The following SLC22A23 variants were observed in gnomAD, a reference collection of about 807,000 sequenced individuals.
SLC22A23 encodes ion transporter protein.
SLC22A23 carries 26 observed loss-of-function variants against 61.0 expected under a neutral mutation model. The ratio of observed to expected loss-of-function variants is 0.43; its 90% confidence interval spans 0.31 to 0.59. The LOEUF (loss-of-function observed/expected upper bound fraction) is 0.59. Ranked by LOEUF, SLC22A23 falls within the 20% of genes least tolerant of loss-of-function variation. The probability of loss-of-function intolerance (pLI) is 0.11; values close to 1 mark genes in which losing one functional copy is unlikely to be tolerated. For missense variants in SLC22A23, 796 were observed against 934.7 expected, an observed-to-expected ratio of 0.85 and a Z score of 1.94; for synonymous variants, 430 against 413.9, an observed-to-expected ratio of 1.04 and a Z score of -0.47.
intron 3 of SLC22A23, among the ~76,000 whole-genome samples, chr6:3,367,844 T>C (rs1765935854): frequency 6.6e-6 from 1 of 152,226 alleles, no homozygotes; most frequent in Admixed American, 6.5e-5. Flanking sequence ...AGTAATAACA[T>C]TTCCTTCTGC....
At chr6:3,371,106 G>A (rs2127462806) in intron 3 of SLC22A23, among the ~76,000 whole-genome samples, 1 of 152,344 alleles carries the variant, frequency 6.6e-6, no homozygotes, top group East Asian at 1.9e-4. Context: ...GACTTAGAGT[G>A]ATTATGGAAA....
At chr6:3,276,353 G>T (rs1388869875) in intron 9 of SLC22A23, among the ~76,000 whole-genome samples, 1 of 152,200 alleles carries the variant, frequency 6.6e-6, no homozygotes. Flanking sequence ...TCCAGCCCAT[G>T]ACCAAGTCCT....
At chr6:3,282,820 A>G (rs116763190) in intron 9 of SLC22A23, among the ~76,000 whole-genome samples, 5,571 of 152,248 alleles carry the variant, frequency 0.037, 357 homozygotes, top group African/African-American at 0.13. Context: ...CTTTTTATTA[A>G]CCTATAAGCA....
intron 4 of SLC22A23, among the ~76,000 whole-genome samples, chr6:3,316,519 C>T (rs780611697): frequency 3.9e-5 from 6 of 152,222 alleles, no homozygotes; most frequent in South Asian, 2.1e-4. Context: ...GTCTGCCTTG[C>T]TTACGATGAC....
At chr6:3,359,775 C>T (rs1240339351) in intron 3 of SLC22A23, among the ~76,000 whole-genome samples, 1 of 152,160 alleles carries the variant, frequency 6.6e-6, no homozygotes, top group Non-Finnish European at 1.5e-5. Flanking sequence ...ATATTCACAA[C>T]AGCCAAAAGG....
At chr6:3,388,452 G>A (rs1767448436) in intron 3 of SLC22A23, among the ~76,000 whole-genome samples, 1 of 152,200 alleles carries the variant, frequency 6.6e-6, no homozygotes, top group Admixed American at 6.5e-5. Context: ...GTGGCCTGCT[G>A]GTGGGAATGT....
At chr6:3,370,257 A>T (rs1340974246) in intron 3 of SLC22A23, among the ~76,000 whole-genome samples, 1 of 152,230 alleles carries the variant, frequency 6.6e-6, no homozygotes, top group African/African-American at 2.4e-5. Flanking sequence ...GAAATGACTG[A>T]AAGGGAAATT....
chr6:3,419,252 C>G (rs114955983), intron 1 of SLC22A23, among the ~76,000 whole-genome samples: 1 of 152,200 alleles, frequency 6.6e-6, no homozygotes, highest in Non-Finnish European at 1.5e-5. Flanking sequence ...CTGCCTTTCA[C>G]ATATATCCTG....
intron 4 of SLC22A23, among the ~76,000 whole-genome samples, chr6:3,298,470 TA>T (rs1255159610): frequency 2.0e-5 from 3 of 149,724 alleles, no homozygotes; most frequent in South Asian, 2.1e-4. Context: ...TATGGAAGCT[TA>T]AAAAAAAAGT....
intron 1 of SLC22A23, chr6:3,444,749 T>A: frequency 1.0e-6 from 1 of 962,872 alleles, no homozygotes; most frequent in Non-Finnish European, 1.2e-6. Context: ...ACATAAACCC[T>A]GTAGAGGGTG....
At chr6:3,316,697 G>A (rs1020006889) in intron 4 of SLC22A23, among the ~76,000 whole-genome samples, 11 of 152,188 alleles carry the variant, frequency 7.2e-5, no homozygotes, top group African/African-American at 2.7e-4. Flanking sequence ...CCGTGAAGTG[G>A]TGCAATCATA....
chr6:3,273,889 T>A (rs1206974706), intron 9 of SLC22A23, among the ~76,000 whole-genome samples: 2 of 152,222 alleles, frequency 1.3e-5, no homozygotes, highest in Non-Finnish European at 2.9e-5. Context: ...AGACTTTCTC[T>A]TTGTCATAAC....
At position 3,454,881 on chromosome 6, in the gene SLC22A23, C is replaced by T. The variant is rs967366831; in HGVS notation, c.654+1025G>A. On this transcript the variant is annotated intron_variant, in intron 1 of 9. Coordinates refer to ENST00000406686, the MANE Select transcript of SLC22A23 (RefSeq NM_015482.2). The surrounding 1 kb of genome is among the most constrained non-coding windows in gnomAD (Gnocchi z 4.3). ...TGCACATTGACTATTTAAAACTGTC[C>T]AATTTCATACATTTCGACAAAGCAT... Among the ~76,000 whole-genome samples the T allele has an allele frequency of 6.6e-6, 1 of 152,188 alleles. No individual in the cohort carries two copies. Among genetic ancestry groups the T allele is most frequent in the African/African-American group, 2.4e-5 (1 of 41,442 alleles).
intron 1 of SLC22A23, among the ~76,000 whole-genome samples, chr6:3,453,392 C>A (rs1772243432): frequency 1.3e-5 from 2 of 152,108 alleles, no homozygotes; most frequent in Non-Finnish European, 2.9e-5. Context: ...CCCTTTCCAT[C>A]GATGGAAGTG....
intron 4 of SLC22A23, among the ~76,000 whole-genome samples, chr6:3,321,916 G>A (rs1328654918): frequency 6.6e-6 from 1 of 152,180 alleles, no homozygotes; most frequent in Non-Finnish European, 1.5e-5. Context: ...GAGGGGGTGA[G>A]CTGTAGCACC....
chr6:3,411,508 G>T (rs1463372695), intron 2 of SLC22A23, among the ~76,000 whole-genome samples: 1 of 152,136 alleles, frequency 6.6e-6, no homozygotes, highest in Non-Finnish European at 1.5e-5. Context: ...GAGGGGATGG[G>T]AATGTTTTAA....
At chr6:3,377,134 C>T (rs1399846105) in intron 3 of SLC22A23, among the ~76,000 whole-genome samples, 1 of 152,104 alleles carries the variant, frequency 6.6e-6, no homozygotes, top group African/African-American at 2.4e-5. Flanking sequence ...TATTGTAACA[C>T]CCATTTGTTT....
intron 1 of SLC22A23, among the ~76,000 whole-genome samples, chr6:3,445,530 G>T (rs1771850181): frequency 6.6e-6 from 1 of 152,216 alleles, no homozygotes; most frequent in Non-Finnish European, 1.5e-5. Flanking sequence ...ATCAAGTTCA[G>T]ATGAGTTCAG....
At chr6:3,358,239 G>A (rs1188238555) in intron 3 of SLC22A23, among the ~76,000 whole-genome samples, 2 of 152,108 alleles carry the variant, frequency 1.3e-5, no homozygotes, top group African/African-American at 4.8e-5. Flanking sequence ...CAAAAGAATT[G>A]AAATTAGGAT....
Sources: gnomAD v4.1 joint callset for allele counts (sites outside exome capture counted in the v4.1 genomes callset) on GRCh38, gnomAD v4.1.1 for gene constraint, Gnocchi (gnomAD v3.1) non-coding constraint, MANE v1.5 for transcripts, NCBI Gene and HGNC (gene_info 2026-07-23, HGNC 2026-07-21) for gene names.